Variants in MGAT4A observed in about 807,000 individuals in gnomAD.
The protein encoded by MGAT4A is alpha-1,3-mannosyl-glycoprotein 4-beta-N-acetylglucosaminyltransferase A.
MGAT4A carries 33 observed loss-of-function variants against 74.1 expected under a neutral mutation model. The ratio of observed to expected loss-of-function variants is 0.45; its 90% CI spans 0.34 to 0.60. The LOEUF is 0.60. Ranked by LOEUF, MGAT4A falls within the 20% of genes least tolerant of loss-of-function variation. The pLI is 0.02. For missense variants in MGAT4A, 479 were observed against 628.3 expected, an observed-to-expected ratio of 0.76 and a Z score of 2.54; for synonymous variants, 198 against 210.4, an observed-to-expected ratio of 0.94 and a Z score of 0.51.
intron 2 of MGAT4A, among the ~76,000 whole-genome samples, chr2:98,717,590 T>C (rs1702610283): frequency 6.6e-6 from 1 of 152,214 alleles, no homozygotes; most frequent in Admixed American, 6.5e-5. Context: ...ACTCTGATTA[T>C]ATATAAGTTG....
rs1425233300 is a variant in MGAT4A, at chr2:98,678,243, A to AT, written c.262+60_262+61insA. On this transcript the variant is annotated intron_variant, in intron 3 of 15. Coordinates refer to ENST00000393487, the MANE Select transcript of MGAT4A (RefSeq NM_012214.3). ...AGACTCTGTCTCAAAGAAAAAAAAA[A>AT]AAAAAAATATATATATATATATATA... The AT allele has an allele frequency of 1.3e-4, 49 of 372,482 alleles. 1 individual carries two copies. In the East Asian group the frequency reaches 1.5e-3, roughly 11 times the overall value. 23.1% of individuals were successfully genotyped at this position (372,482 alleles called of 1,614,324 possible).
At chr2:98,643,863 A>G in intron 10 of MGAT4A, 60 bp downstream of exon 10, 1 of 1,390,716 alleles carries the variant, frequency 7.2e-7, no homozygotes, top group Non-Finnish European at 9.5e-7. Context: ...AATCTCTAAA[A>G]GTCACTTTCA....
At chr2:98,703,587 T>C (rs186583533) in intron 2 of MGAT4A, among the ~76,000 whole-genome samples, 10 of 152,326 alleles carry the variant, frequency 6.6e-5, no homozygotes, top group Middle Eastern at 3.4e-3. Flanking sequence ...TCAATCAGAC[T>C]GTGGTACACC....
At chr2:98,642,431 T>C (rs1575246482) in intron 10 of MGAT4A, among the ~76,000 whole-genome samples, 1 of 152,110 alleles carries the variant, frequency 6.6e-6, no homozygotes, top group African/African-American at 2.4e-5. Context: ...AACTGAAGAA[T>C]TAGAGGCCAC....
chr2:98,696,763 C>T (rs1194011347), intron 2 of MGAT4A, among the ~76,000 whole-genome samples: 2 of 152,144 alleles, frequency 1.3e-5, no homozygotes, highest in African/African-American at 4.8e-5. Context: ...AAATGCTATC[C>T]CCTATGAAAC....
chr2:98,652,978 A>G (rs2309432), intron 8 of MGAT4A, among the ~76,000 whole-genome samples: 65,678 of 151,874 alleles, frequency 0.43, 14,749 homozygotes, highest in South Asian at 0.54. Flanking sequence ...ACTACAACAA[A>G]ATGAAACTAG....
chr2:98,643,926 A>T lies in MGAT4A; in HGVS notation c.1017T>A (p.Asp339Glu). ...LWVKVCNPEK[D>E]AKHCDRQKAN... The stretch of plus-strand genomic sequence containing the variant: ...CTCTGGTGAGGAATTAACTTACTGC[A>T]TCTTTTTCAGGGTTGCAGACTTTCA... Residue 339 changes from aspartate to glutamate, a missense_variant, in exon 10 of 16, where the codon GAT becomes GAA. Physicochemically the swap from Asp to Glu is conservative, Grantham distance 45. Around this residue, in one of 3 missense-constraint regions of MGAT4A, gnomAD observed 236 missense variants for 308.2 expected, o/e 0.77. Transcript: ENST00000393487. 3 of 1,545,846 alleles carry T rather than the reference A, an allele frequency of 1.9e-6. No homozygotes were observed. Among genetic ancestry groups the T allele is most frequent in the Non-Finnish European group, 2.6e-6 (3 of 1,137,340 alleles).
intron 2 of MGAT4A, among the ~76,000 whole-genome samples, chr2:98,688,748 GT>G (rs1287492377): frequency 2.6e-5 from 4 of 152,208 alleles, no homozygotes; most frequent in Non-Finnish European, 2.9e-5. Flanking sequence ...AGATGATAGT[GT>G]AGTCCAGCTG....
chr2:98,723,114 C>A (rs1702703429), intron 2 of MGAT4A, among the ~76,000 whole-genome samples: 1 of 152,208 alleles, frequency 6.6e-6, no homozygotes, highest in African/African-American at 2.4e-5. Context: ...TCCTGAGATA[C>A]TCCCCAACTT....
intron 8 of MGAT4A, among the ~76,000 whole-genome samples, chr2:98,653,300 A>AG (rs931314986): frequency 6.6e-6 from 1 of 151,070 alleles, no homozygotes; most frequent in Non-Finnish European, 1.5e-5. Flanking sequence ...AGCAGAAGGG[A>AG]GAAAAAAAAA....
At chr2:98,654,828 C>T (rs1701635667) in intron 8 of MGAT4A, among the ~76,000 whole-genome samples, 1 of 151,676 alleles carries the variant, frequency 6.6e-6, no homozygotes, top group Non-Finnish European at 1.5e-5. Context: ...CTGAAGTGAC[C>T]CTAAACAGCC....
intron 8 of MGAT4A, among the ~76,000 whole-genome samples, chr2:98,654,111 C>T (rs1163494865): frequency 6.6e-6 from 1 of 152,014 alleles, no homozygotes; most frequent in Non-Finnish European, 1.5e-5. Flanking sequence ...ATTCAAGACA[C>T]TTTCTTGATT....
chr2:98,645,572 C>T (rs1176276138), intron 8 of MGAT4A, 30 bp from the exon 9 acceptor site: 1 of 1,428,592 alleles, frequency 7.0e-7, no homozygotes. Context: ...CATATTAATA[C>T]ATCAAAAAAA....
chr2:98,630,561 C>T (rs958216529), intron 14 of MGAT4A, among the ~76,000 whole-genome samples: 1 of 151,994 alleles, frequency 6.6e-6, no homozygotes, highest in Non-Finnish European at 1.5e-5. Context: ...AGGGTGGATA[C>T]AGGTACTCAG....
intron 2 of MGAT4A, among the ~76,000 whole-genome samples, chr2:98,712,801 A>T (rs953580198): frequency 6.6e-6 from 1 of 152,174 alleles, no homozygotes; most frequent in Non-Finnish European, 1.5e-5. Flanking sequence ...ATGAATACTG[A>T]CTATAATTTG....
chr2:98,724,551 T>C lies in MGAT4A; in HGVS notation c.94+1688A>G, dbSNP rs896759865. On this transcript the variant is annotated intron_variant, in intron 2 of 15. Transcript: ENST00000393487. ...AATTATGGAGCTATTCAGAGAATGATGATCAAAGTTAACAGACTGTATGTG... is the reference window on the plus strand; with the variant it reads ...AATTATGGAGCTATTCAGAGAATGACGATCAAAGTTAACAGACTGTATGTG... 1.9e-4 allele frequency among the ~76,000 whole-genome samples: 29 copies of C among 152,372 alleles called. 2 individuals are homozygous for C. The highest frequency in any genetic ancestry group is 1.7e-3 in the Admixed American group (26 of 15,306).
chr2:98,724,689 A>G (rs964111567), intron 2 of MGAT4A, among the ~76,000 whole-genome samples: 2 of 152,160 alleles, frequency 1.3e-5, no homozygotes, highest in African/African-American at 4.8e-5. Context: ...AACAAGGAAA[A>G]TTAAATGGAG....
At chr2:98,691,998 A>T (rs1337014412) in intron 2 of MGAT4A, among the ~76,000 whole-genome samples, 1 of 152,240 alleles carries the variant, frequency 6.6e-6, no homozygotes, top group African/African-American at 2.4e-5. Context: ...AAAATATTTT[A>T]TGTGGTTATA....
intron 8 of MGAT4A, among the ~76,000 whole-genome samples, chr2:98,649,759 G>C (rs922362301): frequency 6.6e-6 from 1 of 152,130 alleles, no homozygotes; most frequent in Non-Finnish European, 1.5e-5. Context: ...AAGGGCTCCA[G>C]AGTCTTTAAC....
Sources: allele counts gnomAD v4.1 joint callset (sites outside exome capture counted in the v4.1 genomes callset), GRCh38; gene constraint gnomAD v4.1.1; regional missense constraint gnomAD v4.1.1; transcripts MANE v1.5; gene names NCBI Gene and HGNC (gene_info 2026-07-23, HGNC 2026-07-21).